The following SBF2 variants were observed in gnomAD, a reference collection of about 807,000 sequenced individuals.
The protein encoded by SBF2 is SET binding factor 2, also known as myotubularin-related protein 13.
In SBF2, 112 loss-of-function variants were observed where a neutral mutation model predicts 225.2. The ratio of observed to expected loss-of-function variants is 0.50; its 90% CI spans 0.43 to 0.58. SBF2 has a LOEUF of 0.58. SBF2 is among the 20% of genes least tolerant of loss of function. The pLI is 0.00. For missense variants in SBF2, 1,996 were observed against 2,206.2 expected, an observed-to-expected ratio of 0.90 and a Z score of 1.91; for synonymous variants, 763 against 773.3, an observed-to-expected ratio of 0.99 and a Z score of 0.22.
At chr11:10,142,129 C>A (rs576380280) in intron 2 of SBF2, among the ~76,000 whole-genome samples, 1 of 152,238 alleles carries the variant, frequency 6.6e-6, no homozygotes, top group African/African-American at 2.4e-5. Context: ...ATGAACTGTA[C>A]CACTTCTGAA....
At chr11:9,916,673 C>T (rs1863127061) in intron 16 of SBF2, among the ~76,000 whole-genome samples, 1 of 150,306 alleles carries the variant, frequency 6.7e-6, no homozygotes, top group Non-Finnish European at 1.5e-5. Context: ...TCATGGCTCA[C>T]TGCAACCTTG....
intron 2 of SBF2, among the ~76,000 whole-genome samples, chr11:10,137,877 G>A (rs922323509): frequency 3.9e-5 from 6 of 152,084 alleles, no homozygotes; most frequent in South Asian, 2.1e-4. Flanking sequence ...TGTGGTTGGC[G>A]GACGCCTGTA....
At chr11:9,952,022 A>G (rs924016730) in intron 16 of SBF2, among the ~76,000 whole-genome samples, 3 of 152,216 alleles carry the variant, frequency 2.0e-5, no homozygotes, top group Non-Finnish European at 2.9e-5. Context: ...TCTTTAATAA[A>G]GTATTTTTCT....
At chr11:10,026,411 G>A (rs973473811) in intron 6 of SBF2, among the ~76,000 whole-genome samples, 3 of 152,070 alleles carry the variant, frequency 2.0e-5, no homozygotes, top group African/African-American at 7.2e-5. Flanking sequence ...CCACAGACAA[G>A]CTGCAGGTAG....
chr11:10,017,293 C>T (rs1292103825), intron 6 of SBF2, among the ~76,000 whole-genome samples: 1 of 152,154 alleles, frequency 6.6e-6, no homozygotes, highest in African/African-American at 2.4e-5. Flanking sequence ...AATGGATAAA[C>T]AGTGGAACTG....
chr11:10,102,603 GA>G (rs1952356276), intron 2 of SBF2, among the ~76,000 whole-genome samples: 1 of 152,202 alleles, frequency 6.6e-6, no homozygotes, highest in Non-Finnish European at 1.5e-5. Context: ...GGACAAAACT[GA>G]AAGTTTAAGC....
chr11:9,869,591 A>G (rs988785538), intron 17 of SBF2, among the ~76,000 whole-genome samples: 6 of 152,234 alleles, frequency 3.9e-5, no homozygotes, highest in African/African-American at 1.4e-4. Flanking sequence ...ACAGAACTAA[A>G]GAAAAAAACC....
At chr11:10,007,081 C>T (rs1156260130) in intron 6 of SBF2, among the ~76,000 whole-genome samples, 2 of 152,046 alleles carry the variant, frequency 1.3e-5, no homozygotes, top group Non-Finnish European at 2.9e-5. Flanking sequence ...CGTGGTAAGA[C>T]CAGTTCATTC....
chr11:10,256,606 G>GTT (rs1339164428), intron 1 of SBF2, among the ~76,000 whole-genome samples: 1 of 152,186 alleles, frequency 6.6e-6, no homozygotes, highest in East Asian at 1.9e-4. Context: ...TAAGAGCACT[G>GTT]TTTGCCCATA....
chr11:9,944,196 A>G lies in SBF2; in HGVS notation c.1860+17761T>C, dbSNP rs373804870. Among the ~76,000 whole-genome samples, 11 of 152,230 alleles carry G rather than the reference A, an allele frequency of 7.2e-5. No homozygotes were observed. The East Asian group carries it at 9.6e-4, about 13-fold the overall frequency. Reference sequence around the variant, plus strand: ...TTTAAGAGTACATCCTTATTGGGTAAAACTGTAGGAAAAAGCAAAGAAATG... The same window carrying G: ...TTTAAGAGTACATCCTTATTGGGTAGAACTGTAGGAAAAAGCAAAGAAATG... On this transcript the variant is annotated intron_variant, in intron 16 of 39. Transcript: ENST00000256190.
At chr11:9,961,847 T>G in intron 16 of SBF2, 110 bp downstream of exon 16, 1 of 927,734 alleles carries the variant, frequency 1.1e-6, no homozygotes, top group Middle Eastern at 2.6e-4. Flanking sequence ...CGCTTCATCC[T>G]ATTAGCTGTG....
intron 30 of SBF2, chr11:9,810,413 A>T (rs538021537): frequency 6.6e-6 from 1 of 152,258 alleles, no homozygotes; most frequent in Non-Finnish European, 1.5e-5. Flanking sequence ...TTAAGGTATG[A>T]GAATAGTATA....
chr11:9,846,655 C>T (rs1005238726), intron 23 of SBF2, among the ~76,000 whole-genome samples: 19 of 152,196 alleles, frequency 1.2e-4, no homozygotes, highest in African/African-American at 4.3e-4. Context: ...CTAAAGGCTT[C>T]ATCAAACAGG....
At chr11:10,226,215 A>C (rs1958533479) in intron 1 of SBF2, among the ~76,000 whole-genome samples, 1 of 152,184 alleles carries the variant, frequency 6.6e-6, no homozygotes, top group African/African-American at 2.4e-5. Flanking sequence ...TTAGCATAGA[A>C]AGATGTCCCA....
At chr11:10,050,738 G>A (rs1950030163) in intron 2 of SBF2, among the ~76,000 whole-genome samples, 1 of 152,132 alleles carries the variant, frequency 6.6e-6, no homozygotes, top group Non-Finnish European at 1.5e-5. Flanking sequence ...TGGCTACTAA[G>A]TGACTAATGG....
chr11:10,052,803 G>A (rs1950108472), intron 2 of SBF2, among the ~76,000 whole-genome samples: 2 of 152,120 alleles, frequency 1.3e-5, no homozygotes, highest in South Asian at 4.1e-4. Context: ...AGAGTTTGTG[G>A]CACTGGCAGG....
intron 27 of SBF2, 28 bp downstream of exon 27, chr11:9,832,196 G>A (rs770303786): frequency 3.5e-5 from 55 of 1,584,686 alleles, no homozygotes; most frequent in East Asian, 8.9e-5. Context: ...GTGAACGGGT[G>A]GTAATTGTGT....
At chr11:9,794,672 G>A (rs1406321077) in intron 33 of SBF2, among the ~76,000 whole-genome samples, 21 of 7,528 alleles carry the variant, frequency 2.8e-3, no homozygotes, top group Non-Finnish European at 4.6e-3. Flanking sequence ...GTGGGACTCC[G>A]TCTCAAAAAA....
intron 2 of SBF2, among the ~76,000 whole-genome samples, chr11:10,143,075 C>T (rs1954720704): frequency 6.6e-6 from 1 of 152,154 alleles, no homozygotes. Context: ...TAAATTATTG[C>T]CAATTCTACC....
Sources: allele counts gnomAD v4.1 joint callset (sites outside exome capture counted in the v4.1 genomes callset), GRCh38; gene constraint gnomAD v4.1.1; transcripts MANE v1.5; gene names NCBI Gene and HGNC (gene_info 2026-07-23, HGNC 2026-07-21).